PKHD1: variants seen among roughly 807,000 people sequenced by gnomAD.
PKHD1 encodes the protein PKHD1 ciliary IPT domain containing fibrocystin/polyductin.
PKHD1 carries 291 observed loss-of-function variants against 412.0 expected under a neutral mutation model. That is an observed-to-expected ratio of 0.71 (90% CI 0.64 to 0.78). PKHD1 has a LOEUF of 0.78. Ranked by LOEUF, PKHD1 falls within the 30% of genes least tolerant of loss-of-function variation. PKHD1 has a pLI of 0.00. For synonymous variants in PKHD1, 1,777 were observed against 1,821.5 expected (o/e 0.98, Z 0.62); for missense variants, 4,825 against 4,950.7 (o/e 0.97, Z 0.76).
intron 47 of PKHD1, among the ~76,000 whole-genome samples, chr6:51,868,560 C>T (rs940470984): frequency 1.3e-5 from 2 of 152,068 alleles, no homozygotes; most frequent in Non-Finnish European, 2.9e-5. Context: ...ACCCAAAATG[C>T]CAATAGTGCC....
chr6:51,804,264 GTAGTTCTA>G (rs2151344005), intron 52 of PKHD1, among the ~76,000 whole-genome samples: 1 of 144,390 alleles, frequency 6.9e-6, no homozygotes, highest in South Asian at 2.2e-4. Context: ...AAGGGTCTCA[GTAGTTCTA>G]TAGTTCCAGT....
At chr6:51,718,812 T>C (rs1781567531) in intron 60 of PKHD1, among the ~76,000 whole-genome samples, 1 of 152,204 alleles carries the variant, frequency 6.6e-6, no homozygotes, top group African/African-American at 2.4e-5. Context: ...GATGTGATCA[T>C]ATGTGCAAGT....
Position 51,854,973 on chromosome 6 carries a change from GT to G in PKHD1, c.7911+919del, listed in dbSNP as rs1773014868. On this transcript the variant is annotated intron_variant, in intron 49 of 66. Coordinates refer to ENST00000371117, the MANE Select transcript of PKHD1 (RefSeq NM_138694.4). The stretch of plus-strand genomic sequence containing the variant: ...GTGCTGGTCGCCCCTCCCCGCGGGA[GT>G]TTGGTAGGCTTAAGCAGATTCCAGC... Among the ~76,000 whole-genome samples, 5 of 152,370 alleles carry G rather than the reference GT, an allele frequency of 3.3e-5. No individual in the cohort carries two copies. The South Asian group carries it at 1.0e-3, about 32-fold the overall frequency.
chr6:51,982,181 G>T (rs1226808105), intron 35 of PKHD1, among the ~76,000 whole-genome samples: 3 of 38,522 alleles, frequency 7.8e-5, no homozygotes, highest in African/African-American at 9.2e-5. Context: ...GTCCGGGAGG[G>T]AGGTGGGGGG....
At chr6:51,742,023 G>A (rs906255171) in intron 60 of PKHD1, among the ~76,000 whole-genome samples, 1 of 152,146 alleles carries the variant, frequency 6.6e-6, no homozygotes, top group African/African-American at 2.4e-5. Flanking sequence ...TGTAATGGTG[G>A]AATAATTCTT....
rs1342490981 is a variant in PKHD1, at chr6:51,627,029, C to A, written c.11753G>T (p.Gly3918Val). 1 of 1,613,330 alleles carries A rather than the reference C, an allele frequency of 6.2e-7. No homozygotes were observed. The highest frequency in any genetic ancestry group is 8.5e-7 in the Non-Finnish European group (1 of 1,179,588). The change falls in exon 66 of 67, where the codon GGG (glycine) becomes GTG (valine). Residue 3918 changes from glycine (G) to valine (V), a missense_variant. Gly to Val is a moderately radical substitution (Grantham distance 109). Coordinates refer to ENST00000371117, the MANE Select transcript of PKHD1 (RefSeq NM_138694.4). ...HISSKRRESQ[G>V]PKKEDTVVGE... ...CACCACAGTGTCTTCTTTTTTGGGC[C>A]CTTGTGATTCTCGGCGTTTGGATGA...
chr6:51,992,219 T>C lies in PKHD1; in HGVS notation c.5751+18090A>G, dbSNP rs144733403. ...CAAGAAGCAAGCATTCAATTAATGTTACCCCTTCCCATTATTATTAGTAGT... is the reference window on the plus strand; with the variant it reads ...CAAGAAGCAAGCATTCAATTAATGTCACCCCTTCCCATTATTATTAGTAGT... On this transcript the variant is annotated intron_variant, in intron 35 of 66. Transcript: ENST00000371117. Among the ~76,000 whole-genome samples the C allele has an allele frequency of 9.2e-4, 140 of 152,370 alleles. 4 individuals are homozygous for C. Among genetic ancestry groups the C allele is most frequent in the African/African-American group, 2.9e-3 (119 of 41,586 alleles).
chr6:51,854,979 TA>T (rs1386902085), intron 49 of PKHD1, among the ~76,000 whole-genome samples: 1 of 152,204 alleles, frequency 6.6e-6, no homozygotes, highest in African/African-American at 2.4e-5. Flanking sequence ...GGGAGTTTGG[TA>T]GGCTTAAGCA....
intron 36 of PKHD1, among the ~76,000 whole-genome samples, chr6:51,945,575 A>G (rs892914272): frequency 1.3e-5 from 2 of 152,254 alleles, no homozygotes; most frequent in Non-Finnish European, 2.9e-5. Context: ...CCTGTGCTGC[A>G]GTAATCACTG....
At chr6:51,919,952 G>A (rs988870210) in intron 37 of PKHD1, among the ~76,000 whole-genome samples, 2 of 152,222 alleles carry the variant, frequency 1.3e-5, no homozygotes, top group Non-Finnish European at 2.9e-5. Flanking sequence ...GTATAAGAAT[G>A]CTTGTGATTT....
In PKHD1 at chr6:52,046,197, G is replaced by A. The variant is rs766562529; in HGVS notation, c.2408-9C>T. ...AATTTGTACAGGGACATCTGTGAGA[G>A]AAGGTTTTGATACAGAAAACACAGA... On this transcript the variant is annotated splice_polypyrimidine_tract_variant and intron_variant, in intron 23 of 66. Transcript: ENST00000371117. The A allele has an allele frequency of 1.2e-6, 2 of 1,604,060 alleles. No individual in the cohort carries two copies.
At chr6:52,027,131 A>G (rs1303906855) in intron 31 of PKHD1, among the ~76,000 whole-genome samples, 1 of 152,218 alleles carries the variant, frequency 6.6e-6, no homozygotes, top group African/African-American at 2.4e-5. Flanking sequence ...CCCTCCTTGC[A>G]TGCACAGCAT....
intron 31 of PKHD1, among the ~76,000 whole-genome samples, chr6:52,026,687 A>G (rs928262593): frequency 6.6e-6 from 1 of 152,152 alleles, no homozygotes; most frequent in Non-Finnish European, 1.5e-5. Context: ...ACATTCTAAT[A>G]TATTCTATTT....
At chr6:52,043,499 T>C in intron 26 of PKHD1, 126 bp downstream of exon 26, 1 of 738,050 alleles carries the variant, frequency 1.4e-6, no homozygotes, top group Non-Finnish European at 2.4e-6. Context: ...TTCTGCTACG[T>C]CACTCAACCT....
At chr6:51,742,829 A>C (rs1171336251) in intron 60 of PKHD1, among the ~76,000 whole-genome samples, 1 of 152,208 alleles carries the variant, frequency 6.6e-6, no homozygotes, top group Non-Finnish European at 1.5e-5. Context: ...AGCACAGTAG[A>C]GCTACAGAAA....
At chr6:51,789,299 T>C (rs1054544150) in intron 53 of PKHD1, among the ~76,000 whole-genome samples, 5 of 152,224 alleles carry the variant, frequency 3.3e-5, no homozygotes, top group Admixed American at 6.5e-5. Context: ...GAAATGAAGA[T>C]ATGAATAATG....
In PKHD1 at chr6:52,066,053, G is replaced by T; in HGVS notation, c.803C>A (p.Thr268Asn). ...HSEILSVFPE[T>N]GSLGGRTNIT... ...GTTTGTTCTTCCCCCAAGGCTCCCA[G>T]TTTCTGGAAACACAGATAATATTTC... is the stretch of plus-strand genomic sequence containing the variant. Residue 268 changes from threonine to asparagine, a missense_variant, in exon 12 of 67, where the codon ACT becomes AAT. Physicochemically the swap from Thr to Asn is moderately conservative, Grantham distance 65. Coordinates refer to ENST00000371117, the MANE Select transcript of PKHD1 (RefSeq NM_138694.4). 1 of 1,558,706 alleles carries T rather than the reference G, an allele frequency of 6.4e-7. No homozygotes were observed. The highest frequency in any genetic ancestry group is 8.8e-7 in the Non-Finnish European group (1 of 1,132,982).
intron 29 of PKHD1, among the ~76,000 whole-genome samples, chr6:52,031,494 T>C (rs1803022717): frequency 6.6e-6 from 1 of 152,242 alleles, no homozygotes; most frequent in South Asian, 2.1e-4. Context: ...CAAGTTACTA[T>C]GATTCTTTGT....
intron 52 of PKHD1, among the ~76,000 whole-genome samples, chr6:51,801,402 G>A (rs2151324033): frequency 6.6e-6 from 1 of 152,284 alleles, no homozygotes; most frequent in South Asian, 2.1e-4. Flanking sequence ...TGTGCTAGAA[G>A]ATAAGGATGC....
Sources: allele counts gnomAD v4.1 joint callset (sites outside exome capture counted in the v4.1 genomes callset), GRCh38; gene constraint gnomAD v4.1.1; transcripts MANE v1.5; gene names NCBI Gene and HGNC (gene_info 2026-07-23, HGNC 2026-07-21).